Variants in MAP3K21 observed in about 807,000 individuals in gnomAD.
MAP3K21 encodes the protein mitogen-activated protein kinase kinase kinase MLK4.
MAP3K21 carries 63 observed loss-of-function variants against 86.1 expected under a neutral mutation model. The observed-to-expected ratio is 0.73, with a 90% CI of 0.60 to 0.90. MAP3K21 has a LOEUF of 0.90. Ranked by LOEUF, MAP3K21 falls within the 40% of genes least tolerant of loss-of-function variation. The pLI is 0.00. For synonymous variants in MAP3K21, 558 were observed against 564.8 expected (o/e 0.99, Z 0.17); for missense variants, 1,220 against 1,367.7 (o/e 0.89, Z 1.70).
intron 4 of MAP3K21, among the ~76,000 whole-genome samples, chr1:233,360,890 C>G (rs148265222): frequency 2.9e-4 from 44 of 152,304 alleles, no homozygotes; most frequent in African/African-American, 1.0e-3. Flanking sequence ...TTGCACAGTA[C>G]TCATAGCTCT....
At chr1:233,372,270 A>G (rs1663700336) in intron 6 of MAP3K21, 110 bp downstream of exon 6, 2 of 1,281,508 alleles carry the variant, frequency 1.6e-6, no homozygotes, top group African/African-American at 3.0e-5. Context: ...AGATGAGTGT[A>G]GGACATTTCG....
At chr1:233,378,297 C>G (rs541080210) in intron 8 of MAP3K21, among the ~76,000 whole-genome samples, 1 of 152,332 alleles carries the variant, frequency 6.6e-6, no homozygotes, top group African/African-American at 2.4e-5. Flanking sequence ...GATTCTGTAA[C>G]CTCTTGGGAG....
At chr1:233,362,528 C>A (rs531164293) in intron 5 of MAP3K21, among the ~76,000 whole-genome samples, 3 of 152,266 alleles carry the variant, frequency 2.0e-5, no homozygotes. Flanking sequence ...AGGATCTAAC[C>A]CTCAGCGTAC....
At chr1:233,368,725 G>A (rs1663628316) in intron 5 of MAP3K21, among the ~76,000 whole-genome samples, 2 of 151,412 alleles carry the variant, frequency 1.3e-5, no homozygotes, top group African/African-American at 4.9e-5. Flanking sequence ...CGTTTGGTTT[G>A]TCTTCCAAAT....
In MAP3K21 at chr1:233,328,454, C is replaced by A; in HGVS notation, c.426C>A (p.Thr142=). ...GCTTCGGGCAGGTGTACCGCGCCACCTGGCAGGGCCAGGAGGTGGCCGTGA... is the reference window on the plus strand; with the variant it reads ...GCTTCGGGCAGGTGTACCGCGCCACATGGCAGGGCCAGGAGGTGGCCGTGA... ...AGGFGQVYRA[T]WQGQEVAVKA... The change falls in exon 1 of 10, where the codon ACC becomes ACA. Residue 142 remains threonine (T), a synonymous_variant. Transcript: ENST00000366624. This position sits in a 1 kb window ranked among gnomAD's most constrained non-coding sequence, Gnocchi z 8.7. 1 of 1,496,598 alleles carries A rather than the reference C, an allele frequency of 6.7e-7. No homozygotes were observed. The highest frequency in any genetic ancestry group is 8.8e-7 in the Non-Finnish European group (1 of 1,132,936). 92.7% of individuals were successfully genotyped at this position (1,496,598 alleles called of 1,614,324 possible).
chr1:233,375,315 G>A (rs946420879), intron 6 of MAP3K21, among the ~76,000 whole-genome samples: 2 of 152,048 alleles, frequency 1.3e-5, no homozygotes, highest in Non-Finnish European at 2.9e-5. Context: ...ATATTAAAGA[G>A]GAATATACAT....
chr1:233,380,938 A>G (rs1436928706), intron 9 of MAP3K21, among the ~76,000 whole-genome samples: 1 of 152,206 alleles, frequency 6.6e-6, no homozygotes, highest in Non-Finnish European at 1.5e-5. Flanking sequence ...TGACTGGATC[A>G]TGCTATCATG....
chr1:233,380,400 G>A (rs1346065122), intron 9 of MAP3K21, among the ~76,000 whole-genome samples: 1 of 152,078 alleles, frequency 6.6e-6, no homozygotes, highest in East Asian at 1.9e-4. Context: ...CATTGGATTA[G>A]GGCCCACCCT....
In MAP3K21 at chr1:233,342,902, G is replaced by A. The variant is rs544532438; in HGVS notation, c.806-3540G>A. On this transcript the variant is annotated intron_variant, in intron 1 of 9. Transcript: ENST00000366624. ...GCCACTGTGTAACCATGGACATATA[G>A]CCATCCTAAATCGGATTCTTCATAT... Among the ~76,000 whole-genome samples the A allele has an allele frequency of 3.3e-5, 5 of 152,168 alleles. No homozygotes were observed. In the East Asian group the frequency reaches 5.8e-4, roughly 18 times the overall value.
chr1:233,366,785 TC>T (rs1163670572), intron 5 of MAP3K21, among the ~76,000 whole-genome samples: 1 of 152,226 alleles, frequency 6.6e-6, no homozygotes, highest in Non-Finnish European at 1.5e-5. Flanking sequence ...TTACTGCTGA[TC>T]GTTTTTAATC....
At chr1:233,347,638 C>T (rs1345472288) in intron 2 of MAP3K21, among the ~76,000 whole-genome samples, 1 of 152,124 alleles carries the variant, frequency 6.6e-6, no homozygotes, top group Non-Finnish European at 1.5e-5. Context: ...AATAGAAAAC[C>T]GAATATCACA....
intron 1 of MAP3K21, among the ~76,000 whole-genome samples, chr1:233,330,104 T>C (rs1662783333): frequency 6.6e-6 from 1 of 152,240 alleles, no homozygotes; most frequent in Non-Finnish European, 1.5e-5. Context: ...AGTGAAAACA[T>C]TGTCCCTAAA....
intron 4 of MAP3K21, 146 bp from the exon 5 acceptor site, chr1:233,361,907 G>C: frequency 9.9e-7 from 1 of 1,011,314 alleles, no homozygotes; most frequent in African/African-American, 1.6e-5. Context: ...TGAGTGACCA[G>C]GGCTTGAGCA....
chr1:233,346,300 C>A (rs919150025), intron 1 of MAP3K21, 142 bp from the exon 2 acceptor site: 2 of 635,034 alleles, frequency 3.1e-6, no homozygotes, highest in African/African-American at 3.7e-5. Flanking sequence ...AAAATCTGTG[C>A]TGTAAGTAAA....
intron 2 of MAP3K21, among the ~76,000 whole-genome samples, chr1:233,352,340 T>C (rs1663265334): frequency 6.6e-6 from 1 of 152,186 alleles, no homozygotes; most frequent in South Asian, 2.1e-4. Flanking sequence ...TCCTCTCTTC[T>C]AGCTATCTGA....
chr1:233,366,705 C>T (rs984664826), intron 5 of MAP3K21, among the ~76,000 whole-genome samples: 1 of 152,154 alleles, frequency 6.6e-6, no homozygotes, highest in Non-Finnish European at 1.5e-5. Context: ...ATATTTGTGC[C>T]TGCAGATCTT....
At chr1:233,372,450 G>A (rs966703767) in intron 6 of MAP3K21, 1 of 393,190 alleles carries the variant, frequency 2.5e-6, no homozygotes. Context: ...ACACTTGCAC[G>A]CAACGTTAGC....
At chr1:233,350,539 C>G (rs889252900) in intron 2 of MAP3K21, among the ~76,000 whole-genome samples, 1 of 152,128 alleles carries the variant, frequency 6.6e-6, no homozygotes, top group African/African-American at 2.4e-5. Flanking sequence ...ATGGCTTTAC[C>G]TATGCAGTGC....
In MAP3K21 at chr1:233,328,523, C is replaced by T. The variant is rs999015135; in HGVS notation, c.495C>T (p.Ala165=). Residue 165 remains alanine (A), a synonymous_variant, in exon 1 of 10, where the codon GCC becomes GCT. Transcript: ENST00000366624. The surrounding 1 kb of genome is among the most constrained non-coding windows in gnomAD (Gnocchi z 8.7). The part of the protein sequence containing the change: ...QDPEQDAAAA[A]ESVRREARLF... ...CGGAGCAGGACGCGGCGGCGGCTGCCGAGAGCGTGCGGCGCGAGGCTCGGC... is the reference window on the plus strand; with the variant it reads ...CGGAGCAGGACGCGGCGGCGGCTGCTGAGAGCGTGCGGCGCGAGGCTCGGC... 3.9e-6 allele frequency: 6 copies of T among 1,529,324 alleles called. No individual in the cohort carries two copies. Among genetic ancestry groups the T allele is most frequent in the Non-Finnish European group, 5.2e-6 (6 of 1,148,956 alleles). The allele number at this position is 1,529,324 out of a possible 1,614,324, so 94.7% of individuals were successfully genotyped here. A position where few individuals can be genotyped will look rare whatever the true frequency, so the allele number is the denominator to read the frequency against.
Sources: gnomAD v4.1 joint callset for allele counts (sites outside exome capture counted in the v4.1 genomes callset) on GRCh38, gnomAD v4.1.1 for gene constraint, Gnocchi (gnomAD v3.1) non-coding constraint, MANE v1.5 for transcripts, NCBI Gene and HGNC (gene_info 2026-07-23, HGNC 2026-07-21) for gene names.